The following FBXO36 variants were observed in gnomAD, a reference collection of about 807,000 sequenced individuals.
FBXO36 encodes the protein F-box only protein 36.
FBXO36 carries 18 observed loss-of-function variants against 17.0 expected under a neutral mutation model. That is an observed-to-expected ratio of 1.06 (90% CI 0.73 to 1.57). FBXO36 has a LOEUF of 1.57. FBXO36 is among the 40% of genes most tolerant of loss of function. The pLI, the probability that FBXO36 is intolerant of heterozygous loss-of-function variation, is 0.00. For synonymous variants in FBXO36, 83 were observed against 85.3 expected (o/e 0.97, Z 0.15); for missense variants, 229 against 221.9 (o/e 1.03, Z -0.20).
At chr2:229,962,471 C>T (rs2077127398) in intron 1 of FBXO36, among the ~76,000 whole-genome samples, 1 of 150,874 alleles carries the variant, frequency 6.6e-6, no homozygotes, top group Non-Finnish European at 1.5e-5. Flanking sequence ...GCTGGCACTA[C>T]AGGCATGCAC....
At chr2:229,952,202 C>T (rs1308420257) in intron 1 of FBXO36, among the ~76,000 whole-genome samples, 1 of 152,064 alleles carries the variant, frequency 6.6e-6, no homozygotes, top group Non-Finnish European at 1.5e-5. Context: ...AAGGACATTC[C>T]CTTGAATTTT....
chr2:230,006,962 A>G (rs538211192), intron 3 of FBXO36, among the ~76,000 whole-genome samples: 1 of 152,368 alleles, frequency 6.6e-6, no homozygotes, highest in African/African-American at 2.4e-5. Flanking sequence ...GCCACCAGCA[A>G]TCAGGATCAT....
rs1259128390 is a variant in FBXO36 at position 229,922,552 on chromosome 2, A to T, written c.39A>T (p.Val13=). ...TGCCGGAGACTCTCTTTGAAACTGT[A>T]GGACAAGGCCCGCCGCCTAGCAAAG... ...SWLPETLFET[V]GQGPPPSKDY... Residue 13 remains valine (V), a synonymous_variant, in exon 1 of 4, where the codon GTA becomes GTT. Transcript: ENST00000283946. 6.2e-7 allele frequency: 1 copy of T among 1,614,016 alleles called. No homozygotes were observed. Among genetic ancestry groups the T allele is most frequent in the African/African-American group, 1.3e-5 (1 of 75,022 alleles).
Position 229,976,242 on chromosome 2 carries a change from TA to T in FBXO36, c.100del (p.Ile34SerfsTer9), listed in dbSNP as rs776153778. The T allele has an allele frequency of 7.5e-5, 119 of 1,589,516 alleles. No individual in the cohort carries two copies. Among genetic ancestry groups the T allele is most frequent in the Non-Finnish European group, 9.6e-5 (112 of 1,169,254 alleles). Reference protein sequence around the residue: ...YYQLLVTRSQVIFRWWKISLR... With the variant: ...YYQLLVTRSQXIFRWWKISLR... ...ATATCACTTTGTATTTAATTATAGG[TA>T]ATCTTTAGATGGTGGAAGATCTCTC... On this transcript the variant is annotated frameshift_variant and splice_region_variant, in exon 2 of 4. Transcript: ENST00000283946. LOFTEE classifies it high-confidence loss of function.
intron 1 of FBXO36, among the ~76,000 whole-genome samples, chr2:229,942,322 T>A (rs1177067803): frequency 1.3e-5 from 2 of 152,202 alleles, no homozygotes; most frequent in Non-Finnish European, 2.9e-5. Flanking sequence ...TGTACCACCC[T>A]CTGTCCTGTC....
At chr2:229,950,259 C>T (rs1376735483) in intron 1 of FBXO36, among the ~76,000 whole-genome samples, 2 of 152,066 alleles carry the variant, frequency 1.3e-5, no homozygotes, top group Non-Finnish European at 2.9e-5. Flanking sequence ...AACCCCATCT[C>T]TACTAAAAAT....
In FBXO36 at chr2:229,923,988, C is replaced by T. The variant is rs1451654493; in HGVS notation, c.96+1379C>T. Among the ~76,000 whole-genome samples, 4 of 151,442 alleles carry T rather than the reference C, an allele frequency of 2.6e-5. No homozygotes were observed. The East Asian group carries it at 5.8e-4, about 22-fold the overall frequency. On this transcript the variant is annotated intron_variant, in intron 1 of 3. Transcript: ENST00000283946. ...CTCGATCTCTTGATCTCGTGATCCGCCTGCCTCGGCCTCCCAAAGTGCTGG... is the reference window on the plus strand; with the variant it reads ...CTCGATCTCTTGATCTCGTGATCCGTCTGCCTCGGCCTCCCAAAGTGCTGG...
chr2:229,937,141 A>C (rs977325692), intron 1 of FBXO36, among the ~76,000 whole-genome samples: 1 of 152,168 alleles, frequency 6.6e-6, no homozygotes, highest in African/African-American at 2.4e-5. Context: ...CGATTTTGTA[A>C]GAAAAAAAGT....
At chr2:229,953,676 A>G (rs955548647) in intron 1 of FBXO36, among the ~76,000 whole-genome samples, 1 of 149,616 alleles carries the variant, frequency 6.7e-6, no homozygotes, top group African/African-American at 2.5e-5. Context: ...TGTCTCAGAG[A>G]AAAAAAAAAT....
intron 1 of FBXO36, among the ~76,000 whole-genome samples, chr2:229,965,988 C>G (rs1259097742): frequency 6.6e-6 from 1 of 152,176 alleles, no homozygotes; most frequent in Non-Finnish European, 1.5e-5. Flanking sequence ...AGTTTACAGT[C>G]CCACCAACAG....
chr2:230,008,698 C>A (rs2106219771), intron 3 of FBXO36, among the ~76,000 whole-genome samples: 1 of 152,214 alleles, frequency 6.6e-6, no homozygotes, highest in South Asian at 2.1e-4. Flanking sequence ...GGATAGTAAT[C>A]CACATTGGTG....
chr2:229,934,521 G>T (rs1200201339), intron 1 of FBXO36, among the ~76,000 whole-genome samples: 1 of 152,098 alleles, frequency 6.6e-6, no homozygotes. Flanking sequence ...CATCTTTAGG[G>T]GCTGTGACTG....
chr2:229,935,220 T>C (rs1042950121), intron 1 of FBXO36, among the ~76,000 whole-genome samples: 2 of 152,220 alleles, frequency 1.3e-5, no homozygotes, highest in Non-Finnish European at 2.9e-5. Flanking sequence ...ACCCCCTGGA[T>C]TTGTGCCTAT....
chr2:229,972,522 G>A (rs2077185978), intron 1 of FBXO36, among the ~76,000 whole-genome samples: 1 of 152,076 alleles, frequency 6.6e-6, no homozygotes, highest in South Asian at 2.1e-4. Flanking sequence ...GGACTGACCA[G>A]TAAGTGACCA....
At position 229,976,245 on chromosome 2, in the gene FBXO36, T is replaced by G. The variant is rs1341099988; in HGVS notation, c.101T>G (p.Ile34Ser). ...YQLLVTRSQV[I>S]FRWWKISLRS... Reference sequence around the variant, plus strand: ...TCACTTTGTATTTAATTATAGGTAATCTTTAGATGGTGGAAGATCTCTCTA... The same window carrying G: ...TCACTTTGTATTTAATTATAGGTAAGCTTTAGATGGTGGAAGATCTCTCTA... The change falls in exon 2 of 4, where the codon ATC becomes AGC. Residue 34 changes from isoleucine (I) to serine (S), a missense_variant. By Grantham distance (142) the Ile-to-Ser change is moderately radical. Transcript: ENST00000283946. 1 of 1,597,422 alleles carries G rather than the reference T, an allele frequency of 6.3e-7. No homozygotes were observed. The highest frequency in any genetic ancestry group is 2.2e-5 in the East Asian group (1 of 44,722).
At chr2:229,943,084 A>G (rs574735059) in intron 1 of FBXO36, 2 of 152,384 alleles carry the variant, frequency 1.3e-5, no homozygotes, top group East Asian at 1.9e-4. Flanking sequence ...CACTTCCTTT[A>G]TCCCTGAACT....
chr2:229,986,477 C>G (rs553896188), intron 2 of FBXO36, among the ~76,000 whole-genome samples: 1 of 151,746 alleles, frequency 6.6e-6, no homozygotes, highest in African/African-American at 2.4e-5. Context: ...GTATGGGCAA[C>G]AGAGTGAGAC....
At chr2:229,998,952 G>C (rs1025452130) in intron 3 of FBXO36, among the ~76,000 whole-genome samples, 2 of 150,514 alleles carry the variant, frequency 1.3e-5, no homozygotes, top group African/African-American at 4.9e-5. Flanking sequence ...ACAGGTGCCC[G>C]CCACCACACC....
At chr2:229,922,951 GAGA>G (rs2076808833) in intron 1 of FBXO36, among the ~76,000 whole-genome samples, 2 of 152,240 alleles carry the variant, frequency 1.3e-5, no homozygotes. Context: ...ACCTCAGCGT[GAGA>G]AGGAGGGAAA....
Sources: gnomAD v4.1 joint callset for allele counts (sites outside exome capture counted in the v4.1 genomes callset) on GRCh38, gnomAD v4.1.1 for gene constraint, MANE v1.5 for transcripts, NCBI Gene and HGNC (gene_info 2026-07-23, HGNC 2026-07-21) for gene names.